USH2A: variants seen among roughly 807,000 people sequenced by gnomAD.
USH2A encodes the protein usherin.
Under a neutral mutation model 538.9 loss-of-function variants are expected in USH2A, and 443 were observed. The ratio of observed to expected loss-of-function variants is 0.82; its 90% CI spans 0.76 to 0.89. The LOEUF (loss-of-function observed/expected upper bound fraction) is 0.89, where lower values mean the gene tolerates loss of function less well. USH2A is among the 40% of genes least tolerant of loss of function. USH2A has a pLI of 0.00. For missense variants in USH2A, 6,633 were observed against 6,324.8 expected (o/e 1.05, Z -1.65); for synonymous variants, 2,413 against 2,273.5 (o/e 1.06, Z -1.75).
chr1:216,275,287 G>T (rs972139998), intron 11 of USH2A, among the ~76,000 whole-genome samples: 1 of 152,056 alleles, frequency 6.6e-6, no homozygotes, highest in African/African-American at 2.4e-5. Flanking sequence ...ATACAGTGTG[G>T]TCTTATTGTA....
At chr1:215,940,638 G>A (rs1459828249) in intron 37 of USH2A, among the ~76,000 whole-genome samples, 1 of 152,058 alleles carries the variant, frequency 6.6e-6, no homozygotes, top group African/African-American at 2.4e-5. Context: ...CTACGAAGCT[G>A]TCTTCTCCAC....
chr1:215,916,287 T>A (rs1161270224), intron 38 of USH2A, among the ~76,000 whole-genome samples: 2 of 151,874 alleles, frequency 1.3e-5, no homozygotes, highest in Non-Finnish European at 2.9e-5. Flanking sequence ...GTCACTAGTG[T>A]AGTAGAAGAG....
intron 61 of USH2A, among the ~76,000 whole-genome samples, chr1:215,685,179 C>A (rs1371073442): frequency 6.6e-6 from 1 of 151,976 alleles, no homozygotes; most frequent in Admixed American, 6.6e-5. Flanking sequence ...CAAATCAACA[C>A]AAAATATTTT....
chr1:216,395,116 C>G (rs1053260453), intron 3 of USH2A, among the ~76,000 whole-genome samples: 3 of 152,116 alleles, frequency 2.0e-5, no homozygotes, highest in African/African-American at 7.2e-5. Context: ...TTCCCCTTTT[C>G]AAGTCAACAA....
At chr1:216,155,402 A>T (rs1186285739) in intron 21 of USH2A, among the ~76,000 whole-genome samples, 1 of 152,206 alleles carries the variant, frequency 6.6e-6, no homozygotes, top group Non-Finnish European at 1.5e-5. Context: ...TATAGATAAC[A>T]TCACTATTGT....
At chr1:216,211,578 A>G (rs930013385) in intron 15 of USH2A, among the ~76,000 whole-genome samples, 1 of 152,198 alleles carries the variant, frequency 6.6e-6, no homozygotes, top group African/African-American at 2.4e-5. Flanking sequence ...TAATATTTAC[A>G]TCATATGTTT....
chr1:216,136,045 G>A (rs1460854451), intron 21 of USH2A, among the ~76,000 whole-genome samples: 1 of 151,938 alleles, frequency 6.6e-6, no homozygotes, highest in South Asian at 2.1e-4. Context: ...TCTTTGATTA[G>A]TATCAAATAA....
At chr1:215,650,402 T>A (rs1657016609) in intron 65 of USH2A, among the ~76,000 whole-genome samples, 190 bp downstream of exon 65, 3 of 152,204 alleles carry the variant, frequency 2.0e-5, no homozygotes, top group Non-Finnish European at 2.9e-5. Flanking sequence ...GTTTACATAC[T>A]TTCTGTATGT....
At chr1:216,146,137 CA>C (rs1432393741) in intron 21 of USH2A, among the ~76,000 whole-genome samples, 57 of 152,302 alleles carry the variant, frequency 3.7e-4, no homozygotes, top group African/African-American at 1.3e-3. Flanking sequence ...GAGAAAGATC[CA>C]CCTACGACCT....
chr1:215,920,816 T>C (rs1245915458), intron 38 of USH2A, among the ~76,000 whole-genome samples: 1 of 152,084 alleles, frequency 6.6e-6, no homozygotes, highest in Admixed American at 6.6e-5. Flanking sequence ...CCTGTGATCA[T>C]GCCCTCAACT....
In USH2A at chr1:215,625,510, A is replaced by C; in HGVS notation, c.*271T>G. The C allele has an allele frequency of 2.1e-6, 1 of 481,550 alleles. No individual in the cohort carries two copies. Among genetic ancestry groups the C allele is most frequent in the Non-Finnish European group, 3.8e-6 (1 of 264,514 alleles). 29.8% of individuals were successfully genotyped at this position (481,550 alleles called of 1,614,324 possible). A position where few individuals can be genotyped will look rare whatever the true frequency, so the allele number is the denominator to read the frequency against. On this transcript the variant is annotated 3_prime_UTR_variant, in exon 72 of 72. Coordinates refer to ENST00000307340, the MANE Select transcript of USH2A (RefSeq NM_206933.4). ...AGGAGCATCACTGCCAAACAGAACCAAGTGACAATTACATACTTCTTTGTC... is the reference window on the plus strand; with the variant it reads ...AGGAGCATCACTGCCAAACAGAACCCAGTGACAATTACATACTTCTTTGTC...
intron 9 of USH2A, among the ~76,000 whole-genome samples, chr1:216,313,589 C>T (rs962896902): frequency 2.6e-5 from 4 of 152,122 alleles, no homozygotes; most frequent in African/African-American, 4.8e-5. Flanking sequence ...CTATATTTAT[C>T]CACATATTTG....
intron 26 of USH2A, among the ~76,000 whole-genome samples, chr1:216,081,414 G>A (rs1030958550): frequency 7.2e-5 from 11 of 152,126 alleles, no homozygotes; most frequent in African/African-American, 2.7e-4. Context: ...ATTGAAATAA[G>A]TCAGTATAAT....
chr1:215,650,538 T>C, intron 65 of USH2A, 54 bp downstream of exon 65: 1 of 1,599,774 alleles, frequency 6.3e-7, no homozygotes, highest in Non-Finnish European at 8.6e-7. Context: ...AAAGGTTTCA[T>C]AGTAATGATT....
At chr1:216,126,160 G>C (rs1032646560) in intron 21 of USH2A, among the ~76,000 whole-genome samples, 2 of 152,166 alleles carry the variant, frequency 1.3e-5, no homozygotes, top group African/African-American at 4.8e-5. Context: ...AAATGCACAT[G>C]AAACAATTGT....
chr1:215,819,962 T>A (rs1234195058), intron 47 of USH2A, among the ~76,000 whole-genome samples: 1 of 151,756 alleles, frequency 6.6e-6, no homozygotes, highest in East Asian at 1.9e-4. Flanking sequence ...TGCATCATTA[T>A]TAGCGGGATT....
intron 48 of USH2A, among the ~76,000 whole-genome samples, chr1:215,815,957 C>T (rs17025462): frequency 0.056 from 8,466 of 152,016 alleles, 302 homozygotes; most frequent in East Asian, 0.15. Flanking sequence ...ATCATTTATT[C>T]GTATGCCTAT....
chr1:216,198,952 G>A (rs980734564), intron 17 of USH2A, among the ~76,000 whole-genome samples: 4 of 152,020 alleles, frequency 2.6e-5, no homozygotes. Flanking sequence ...AGTTCTTTTG[G>A]GGAATTTGAT....
intron 3 of USH2A, among the ~76,000 whole-genome samples, chr1:216,403,328 T>C (rs2039339177): frequency 6.6e-6 from 1 of 152,128 alleles, no homozygotes; most frequent in South Asian, 2.1e-4. Context: ...TCATACTTAA[T>C]GGTGAAAGTT....
Sources: gnomAD v4.1 joint callset for allele counts (sites outside exome capture counted in the v4.1 genomes callset) on GRCh38, gnomAD v4.1.1 for gene constraint, MANE v1.5 for transcripts, NCBI Gene and HGNC (gene_info 2026-07-23, HGNC 2026-07-21) for gene names.